Variants in CTNND2 observed in about 807,000 individuals in gnomAD.
The protein encoded by CTNND2 is catenin delta-2.
A neutral mutation model predicts 144.4 loss-of-function variants in CTNND2; 22 were observed. The observed-to-expected ratio is 0.15, with a 90% CI of 0.11 to 0.22. CTNND2 has a LOEUF of 0.22. Among genes scored for constraint, CTNND2 ranks in the 10% least tolerant of loss-of-function variants. The pLI is 1.00. For synonymous variants in CTNND2, 751 were observed against 695.6 expected (o/e 1.08, Z -1.25); for missense variants, 1,353 against 1,618.8 (o/e 0.84, Z 2.82).
At chr5:11,118,770 C>T (rs531968386) in intron 12 of CTNND2, among the ~76,000 whole-genome samples, 2 of 152,312 alleles carry the variant, frequency 1.3e-5, no homozygotes, top group African/African-American at 4.8e-5. Context: ...CAGGTAGTCT[C>T]ATTTCATATT....
intron 3 of CTNND2, among the ~76,000 whole-genome samples, chr5:11,442,940 TATA>T (rs899481921): frequency 6.8e-6 from 1 of 147,360 alleles, no homozygotes; most frequent in African/African-American, 2.5e-5. Context: ...AATAAATACA[TATA>T]ATAATTATAT....
chr5:11,235,996 C>T (rs139183164), intron 10 of CTNND2, among the ~76,000 whole-genome samples: 97 of 152,272 alleles, frequency 6.4e-4, no homozygotes, highest in African/African-American at 2.0e-3. Flanking sequence ...GTTCCTTATA[C>T]GCAAATGCTT....
chr5:11,369,481 A>C (rs1313443031), intron 7 of CTNND2, among the ~76,000 whole-genome samples: 1 of 152,222 alleles, frequency 6.6e-6, no homozygotes, highest in Non-Finnish European at 1.5e-5. Context: ...TTTGGCCAAC[A>C]AAACAATGTA....
intron 16 of CTNND2, 76 bp downstream of exon 16, chr5:11,082,620 G>A (rs1418486738): frequency 3.9e-6 from 6 of 1,531,090 alleles, no homozygotes; most frequent in Admixed American, 1.8e-5. Context: ...CTATGCATAC[G>A]GGTTCAACCA....
intron 3 of CTNND2, among the ~76,000 whole-genome samples, chr5:11,551,896 T>G (rs1775797523): frequency 6.6e-6 from 1 of 152,112 alleles, no homozygotes; most frequent in Non-Finnish European, 1.5e-5. Flanking sequence ...CCACCACGCC[T>G]GGCGTTTTTC....
At chr5:11,288,462 G>A (rs1265917403) in intron 9 of CTNND2, among the ~76,000 whole-genome samples, 2 of 151,986 alleles carry the variant, frequency 1.3e-5, no homozygotes, top group African/African-American at 2.4e-5. Flanking sequence ...TTGTGTGAGC[G>A]CTTGCATGGG....
At chr5:11,895,159 C>T (rs1035888399) in intron 1 of CTNND2, among the ~76,000 whole-genome samples, 1 of 152,120 alleles carries the variant, frequency 6.6e-6, no homozygotes, top group African/African-American at 2.4e-5. Flanking sequence ...CAGAACCACA[C>T]ACAAAGCACT....
chr5:11,839,657 A>G (rs1318628099), intron 1 of CTNND2, among the ~76,000 whole-genome samples: 1 of 152,068 alleles, frequency 6.6e-6, no homozygotes, highest in East Asian at 1.9e-4. Flanking sequence ...CCCAATCTCC[A>G]TGTGGCCTGT....
At chr5:11,085,088 A>AC (rs1009443148) in intron 15 of CTNND2, among the ~76,000 whole-genome samples, 1 of 151,978 alleles carries the variant, frequency 6.6e-6, no homozygotes, top group Non-Finnish European at 1.5e-5. Flanking sequence ...TACTAGCCAC[A>AC]CCCCCCAATG....
chr5:11,429,705 C>A (rs1763103287), intron 3 of CTNND2, among the ~76,000 whole-genome samples: 4 of 152,168 alleles, frequency 2.6e-5, no homozygotes, highest in Non-Finnish European at 4.4e-5. Context: ...CGAAAATGCA[C>A]CACAGAAGAT....
intron 5 of CTNND2, among the ~76,000 whole-genome samples, chr5:11,401,001 G>C (rs1302005557): frequency 6.6e-6 from 1 of 152,186 alleles, no homozygotes; most frequent in Non-Finnish European, 1.5e-5. Flanking sequence ...CTTGTTTGCA[G>C]GAGAAATCTT....
At chr5:11,514,155 A>G (rs2150029449) in intron 3 of CTNND2, among the ~76,000 whole-genome samples, 1 of 152,054 alleles carries the variant, frequency 6.6e-6, no homozygotes, top group East Asian at 1.9e-4. Flanking sequence ...ACTGCATTGT[A>G]GCCTGGACAA....
intron 1 of CTNND2, among the ~76,000 whole-genome samples, chr5:11,793,180 C>T (rs571749545): frequency 9.9e-5 from 15 of 152,246 alleles, no homozygotes; most frequent in African/African-American, 2.9e-4. Flanking sequence ...CTATAAATGT[C>T]CACTCTTCAC....
chr5:11,693,833 A>G (rs1387528642), intron 2 of CTNND2, among the ~76,000 whole-genome samples: 1 of 152,226 alleles, frequency 6.6e-6, no homozygotes, highest in Non-Finnish European at 1.5e-5. Context: ...ATACTGAGCT[A>G]TCGCTCCTAG....
At chr5:11,688,768 C>T (rs59869517) in intron 2 of CTNND2, among the ~76,000 whole-genome samples, 18,236 of 152,144 alleles carry the variant, frequency 0.12, 3,646 homozygotes, top group African/African-American at 0.41. Flanking sequence ...CTGCTTATGA[C>T]ACAGAGAGCA....
chr5:11,291,065 A>G (rs1263822611), intron 9 of CTNND2, among the ~76,000 whole-genome samples: 2 of 152,042 alleles, frequency 1.3e-5, no homozygotes, highest in Non-Finnish European at 2.9e-5. Context: ...TGGATTAACC[A>G]TCTTCAAGGA....
At chr5:11,052,849 A>G (rs1321356584) in intron 16 of CTNND2, among the ~76,000 whole-genome samples, 1 of 152,088 alleles carries the variant, frequency 6.6e-6, no homozygotes, top group Non-Finnish European at 1.5e-5. Context: ...GTAACACTAG[A>G]AAAATTACCG....
At chr5:11,802,428 G>A (rs1433168080) in intron 1 of CTNND2, among the ~76,000 whole-genome samples, 2 of 150,624 alleles carry the variant, frequency 1.3e-5, no homozygotes, top group African/African-American at 2.4e-5. Flanking sequence ...TTAGCTGGGC[G>A]TGGTGGCGCA....
At chr5:11,022,532 A>C (rs575502936) in intron 17 of CTNND2, among the ~76,000 whole-genome samples, 4 of 152,308 alleles carry the variant, frequency 2.6e-5, no homozygotes, top group Non-Finnish European at 4.4e-5. Context: ...TCATGTATCC[A>C]GGTTGAACTC....
Sources: allele counts gnomAD v4.1 joint callset (sites outside exome capture counted in the v4.1 genomes callset), GRCh38; gene constraint gnomAD v4.1.1; transcripts MANE v1.5; gene names NCBI Gene and HGNC (gene_info 2026-07-23, HGNC 2026-07-21).